RDH12: variants seen among roughly 807,000 people sequenced by gnomAD.
RDH12 encodes the protein all-trans and 9-cis retinol dehydrogenase.
Under a neutral mutation model 34.0 loss-of-function variants are expected in RDH12, and 21 were observed. The observed-to-expected ratio is 0.62, with a 90% CI of 0.44 to 0.89. The LOEUF is 0.89. RDH12 is among the 40% of genes least tolerant of loss of function. The pLI is 0.00. For synonymous variants in RDH12, 198 were observed against 169.9 expected (o/e 1.17, Z -1.29); for missense variants, 394 against 398.6 (o/e 0.99, Z 0.10).
chr14:67,722,758 C>T, intron 3 of RDH12, 48 bp downstream of exon 3: 1 of 1,461,384 alleles, frequency 6.8e-7, no homozygotes, highest in Non-Finnish European at 9.6e-7. Flanking sequence ...AAGACCTGCA[C>T]TGGAAGCCGG....
At chr14:67,726,847 T>A in intron 6 of RDH12, 134 bp from the exon 7 acceptor site, 2 of 749,638 alleles carry the variant, frequency 2.7e-6, no homozygotes, top group Non-Finnish European at 4.7e-6. Flanking sequence ...AACTGACCAT[T>A]AGAGTTACTC....
At chr14:67,702,910 C>A (rs957804773) in intron 1 of RDH12, among the ~76,000 whole-genome samples, 1 of 152,190 alleles carries the variant, frequency 6.6e-6, no homozygotes, top group South Asian at 2.1e-4. Context: ...ACCTCCCAGG[C>A]TCAAGTGATT....
intron 3 of RDH12, 102 bp downstream of exon 3, chr14:67,722,812 G>A (rs1204511974): frequency 9.8e-7 from 1 of 1,016,260 alleles, no homozygotes; most frequent in Admixed American, 1.7e-5. Context: ...GGCTGACAGA[G>A]GAGAAAGTCA....
In RDH12 at chr14:67,733,902, G is replaced by T; in HGVS notation, c.*54G>T. 7.3e-7 allele frequency: 1 copy of T among 1,373,824 alleles called. No homozygotes were observed. Among genetic ancestry groups the T allele is most frequent in the South Asian group, 1.2e-5 (1 of 85,318 alleles). 85.1% of individuals were successfully genotyped at this position (1,373,824 alleles called of 1,614,324 possible). A position where few individuals can be genotyped will look rare whatever the true frequency, so the allele number is the denominator to read the frequency against. On this transcript the variant is annotated 3_prime_UTR_variant, in exon 9 of 9. Transcript: ENST00000551171. ...CCCAATCCATGCCATAATGAACAGG[G>T]ACCAAGGAGAAGGCCAACCCTAAAG...
intron 1 of RDH12, among the ~76,000 whole-genome samples, chr14:67,712,325 G>A (rs1013929008): frequency 5.3e-5 from 8 of 152,082 alleles, no homozygotes; most frequent in African/African-American, 1.9e-4. Flanking sequence ...ACCATGTGAT[G>A]CTTTTATAGT....
chr14:67,726,297 T>C, intron 6 of RDH12, 142 bp downstream of exon 6: 2 of 707,338 alleles, frequency 2.8e-6, no homozygotes, highest in Non-Finnish European at 5.2e-6. Flanking sequence ...TGGCTTGTTG[T>C]TCACTGTACC....
intron 1 of RDH12, among the ~76,000 whole-genome samples, chr14:67,703,868 G>A (rs1264617205): frequency 1.3e-5 from 2 of 152,004 alleles, no homozygotes; most frequent in Non-Finnish European, 2.9e-5. Flanking sequence ...GGTAGAGATG[G>A]GGTTTTGCCA....
At chr14:67,723,172 T>C (rs1259605800) in intron 3 of RDH12, among the ~76,000 whole-genome samples, 1 of 152,180 alleles carries the variant, frequency 6.6e-6, no homozygotes, top group Non-Finnish European at 1.5e-5. Flanking sequence ...ATTAATGTTT[T>C]GGGATGGCTT....
At position 67,725,189 on chromosome 14, in the gene RDH12, T is replaced by C. The variant is rs527800020; in HGVS notation, c.278T>C (p.Leu93Pro). The change falls in exon 5 of 9, where the codon CTG becomes CCG. Residue 93 changes from leucine to proline, a missense_variant. Coordinates refer to ENST00000551171, the MANE Select transcript of RDH12 (RefSeq NM_152443.3). ...IRVDTKNSQVLVRKLDLSDTK... is the reference protein window; with the variant it reads ...IRVDTKNSQVPVRKLDLSDTK... ...GTGGATACAAAGAACTCCCAGGTGC[T>C]GGTGCGGAAATTGGACCTATCCGAC... 1.2e-5 allele frequency: 19 copies of C among 1,614,206 alleles called. No individual in the cohort carries two copies. The Admixed American group carries it at 2.0e-4, about 17-fold the overall frequency.
At chr14:67,713,265 C>A (rs1353553892) in intron 1 of RDH12, among the ~76,000 whole-genome samples, 1 of 150,818 alleles carries the variant, frequency 6.6e-6, no homozygotes, top group African/African-American at 2.4e-5. Context: ...AACAAACAAA[C>A]AAAAAACAAA....
chr14:67,728,283 G>A (rs1248145296), intron 7 of RDH12: 1 of 152,118 alleles, frequency 6.6e-6, no homozygotes, highest in Non-Finnish European at 1.5e-5. Flanking sequence ...TAATTGAGAG[G>A]TTTATGTGTG....
intron 3 of RDH12, among the ~76,000 whole-genome samples, 181 bp from the exon 4 acceptor site, chr14:67,724,292 C>A (rs77159821): frequency 6.6e-6 from 1 of 152,084 alleles, no homozygotes; most frequent in African/African-American, 2.4e-5. Flanking sequence ...GATAAACAGG[C>A]GACTACCTTG....
At chr14:67,714,695 G>A (rs545186368) in intron 1 of RDH12, 1 of 153,408 alleles carries the variant, frequency 6.5e-6, no homozygotes, top group East Asian at 1.9e-4. Context: ...GTTCAAAAAT[G>A]CCCCACACAT....
At position 67,733,825 on chromosome 14, in the gene RDH12, C is replaced by T; in HGVS notation, c.928C>T (p.Leu310Phe). 6.2e-7 allele frequency: 1 copy of T among 1,612,986 alleles called. No individual in the cohort carries two copies. The highest frequency in any genetic ancestry group is 1.1e-5 in the South Asian group (1 of 91,064). Residue 310 changes from leucine to phenylalanine, a missense_variant, in exon 9 of 9, where the codon CTT becomes TTT. Physicochemically the swap from Leu to Phe is conservative, Grantham distance 22. Transcript: ENST00000551171. ...AERLWNVSCE[L>F]LGIRWE ...GCGCCTATGGAATGTCAGCTGTGAG[C>T]TTCTAGGAATCCGGTGGGAGTAGCT...
intron 6 of RDH12, among the ~76,000 whole-genome samples, chr14:67,726,505 C>A (rs1389380379): frequency 6.6e-6 from 1 of 152,190 alleles, no homozygotes; most frequent in Non-Finnish European, 1.5e-5. Flanking sequence ...GATGGCCAAC[C>A]AAGCCATGGG....
chr14:67,734,063 T>C lies in RDH12; in HGVS notation c.*215T>C, dbSNP rs1027274127. ...AGTTGTGGACACCTATAGAGTGTTC[T>C]TCTCTAAGACCTGGAAAGTCAGCAA... On this transcript the variant is annotated 3_prime_UTR_variant, in exon 9 of 9. Coordinates refer to ENST00000551171, the MANE Select transcript of RDH12 (RefSeq NM_152443.3). 2.8e-5 allele frequency: 12 copies of C among 435,774 alleles called. No homozygotes were observed. The highest frequency in any genetic ancestry group is 2.4e-4 in the African/African-American group (12 of 49,580). 27.0% of individuals were successfully genotyped at this position (435,774 alleles called of 1,614,324 possible). A position where few individuals can be genotyped will look rare whatever the true frequency, so the allele number is the denominator to read the frequency against.
chr14:67,717,096 G>GTA (rs10673670), intron 1 of RDH12, among the ~76,000 whole-genome samples: 9,833 of 151,956 alleles, frequency 0.065, 1,003 homozygotes, highest in African/African-American at 0.22. Context: ...ACTTCAGCAT[G>GTA]TATATATATC....
Position 67,725,244 on chromosome 14 carries a change from C to A in RDH12, c.333C>A (p.Gly111=), listed in dbSNP as rs764189130. Reference sequence around the variant, plus strand: ...AATCTATCCGAGCCTTTGCTGAGGGCTTTCTGGCAGGTGAGGTCCTGATGG... The same window carrying A: ...AATCTATCCGAGCCTTTGCTGAGGGATTTCTGGCAGGTGAGGTCCTGATGG... ...DTKSIRAFAE[G]FLAEEKQLHI... Residue 111 remains glycine (G), a synonymous_variant, in exon 5 of 9, where the codon GGC becomes GGA. Transcript: ENST00000551171. The A allele has an allele frequency of 6.2e-7, 1 of 1,613,264 alleles. No individual in the cohort carries two copies. Among genetic ancestry groups the A allele is most frequent in the Non-Finnish European group, 8.5e-7 (1 of 1,180,002 alleles).
chr14:67,729,787 T>A (rs2038244074), intron 8 of RDH12: 1 of 500,378 alleles, frequency 2.0e-6, no homozygotes, highest in South Asian at 1.5e-5. Flanking sequence ...CGGTGTGAAC[T>A]CTGTCCCTCA....
Sources: gnomAD v4.1 joint callset for allele counts (sites outside exome capture counted in the v4.1 genomes callset) on GRCh38, gnomAD v4.1.1 for gene constraint, MANE v1.5 for transcripts, NCBI Gene and HGNC (gene_info 2026-07-23, HGNC 2026-07-21) for gene names.